ST6GALNAC3: variants seen among roughly 807,000 people sequenced by gnomAD.
ST6GALNAC3 encodes alpha-N-acetylgalactosaminide alpha-2,6-sialyltransferase 3.
ST6GALNAC3 carries 25 observed loss-of-function variants against 32.7 expected under a neutral mutation model. That is an observed-to-expected ratio of 0.76 (90% CI 0.56 to 1.07). The LOEUF (loss-of-function observed/expected upper bound fraction) is 1.07, where lower values mean the gene tolerates loss of function less well. ST6GALNAC3 is among the 50% of genes least tolerant of loss of function. The probability of loss-of-function intolerance (pLI) is 0.00; values close to 1 mark genes in which losing one functional copy is unlikely to be tolerated. For synonymous variants in ST6GALNAC3, 129 were observed against 133.1 expected (o/e 0.97, Z 0.21); for missense variants, 355 against 382.4 (o/e 0.93, Z 0.60).
At chr1:76,525,810 T>TACATATATATATATAC (rs1557529038) in intron 3 of ST6GALNAC3, among the ~76,000 whole-genome samples, 1 of 126,848 alleles carries the variant, frequency 7.9e-6, no homozygotes, top group Non-Finnish European at 1.7e-5. Context: ...TATATATATA[T>TACATATATATATATAC]ATATATATAT....
At chr1:76,526,342 C>T (rs1444089059) in intron 3 of ST6GALNAC3, among the ~76,000 whole-genome samples, 2 of 151,984 alleles carry the variant, frequency 1.3e-5, no homozygotes, top group African/African-American at 2.4e-5. Flanking sequence ...AACCAAATCC[C>T]TTGTGGTTAC....
chr1:76,275,870 G>A lies in ST6GALNAC3; in HGVS notation c.19-37935G>A, dbSNP rs531637810. ...TATATCTGAATGGGTCACATGTAGTGCAAGCTTCAAGACTGGTTTGATTCA... is the reference window on the plus strand; with the variant it reads ...TATATCTGAATGGGTCACATGTAGTACAAGCTTCAAGACTGGTTTGATTCA... On this transcript the variant is annotated intron_variant, in intron 1 of 4. Transcript: ENST00000328299. 2.0e-5 allele frequency among the ~76,000 whole-genome samples: 3 copies of A among 152,292 alleles called. No individual in the cohort carries two copies. The East Asian group carries it at 5.8e-4, about 29-fold the overall frequency.
At chr1:76,433,228 C>T (rs1450262031) in intron 3 of ST6GALNAC3, among the ~76,000 whole-genome samples, 1 of 152,060 alleles carries the variant, frequency 6.6e-6, no homozygotes, top group Non-Finnish European at 1.5e-5. Context: ...TGATACTTGT[C>T]ATTCTGGTTA....
At chr1:76,488,321 C>G (rs116550937) in intron 3 of ST6GALNAC3, among the ~76,000 whole-genome samples, 16 of 127,126 alleles carry the variant, frequency 1.3e-4, no homozygotes, top group African/African-American at 4.4e-4. Flanking sequence ...GATGTGCCGG[C>G]TACCCCTTCA....
chr1:76,267,250 C>T (rs568580347), intron 1 of ST6GALNAC3, among the ~76,000 whole-genome samples: 2 of 152,284 alleles, frequency 1.3e-5, no homozygotes, highest in East Asian at 3.9e-4. Flanking sequence ...AACTCTCTGT[C>T]TCCTCTGTCT....
At chr1:76,516,770 C>G (rs1662198994) in intron 3 of ST6GALNAC3, among the ~76,000 whole-genome samples, 1 of 151,990 alleles carries the variant, frequency 6.6e-6, no homozygotes, top group South Asian at 2.1e-4. Flanking sequence ...TGTATATTTT[C>G]TCTTGTAAAT....
chr1:76,158,631 A>G (rs1651621633), intron 1 of ST6GALNAC3, among the ~76,000 whole-genome samples: 1 of 152,226 alleles, frequency 6.6e-6, no homozygotes, highest in Non-Finnish European at 1.5e-5. Context: ...CCTCTTGGCT[A>G]CAGGTACTTT....
chr1:76,164,011 G>T (rs140679594), intron 1 of ST6GALNAC3, among the ~76,000 whole-genome samples: 59 of 152,258 alleles, frequency 3.9e-4, no homozygotes, highest in African/African-American at 1.1e-3. Flanking sequence ...TAAGATGTTG[G>T]ATTTGTTGAG....
chr1:76,407,739 T>C (rs1379682337), intron 2 of ST6GALNAC3, among the ~76,000 whole-genome samples: 1 of 151,810 alleles, frequency 6.6e-6, no homozygotes, highest in Non-Finnish European at 1.5e-5. Flanking sequence ...ATTCAAAATT[T>C]AGATGTGGCT....
intron 1 of ST6GALNAC3, among the ~76,000 whole-genome samples, chr1:76,146,969 A>G (rs1393329869): frequency 6.6e-6 from 1 of 151,614 alleles, no homozygotes; most frequent in East Asian, 1.9e-4. Flanking sequence ...ATGTCTAATG[A>G]CTCCGTGTAC....
intron 1 of ST6GALNAC3, among the ~76,000 whole-genome samples, chr1:76,202,164 G>T (rs949907314): frequency 6.6e-6 from 1 of 151,902 alleles, no homozygotes; most frequent in Non-Finnish European, 1.5e-5. Context: ...TTGATTTCAG[G>T]TTTAACTCAA....
chr1:76,487,090 G>T (rs1202876810), intron 3 of ST6GALNAC3, among the ~76,000 whole-genome samples: 6 of 152,198 alleles, frequency 3.9e-5, no homozygotes, highest in Non-Finnish European at 5.9e-5. Flanking sequence ...TCTGCCAAGA[G>T]ATCAGCTGTT....
At chr1:76,296,149 G>A (rs1214791896) in intron 1 of ST6GALNAC3, among the ~76,000 whole-genome samples, 1 of 152,020 alleles carries the variant, frequency 6.6e-6, no homozygotes, top group Non-Finnish European at 1.5e-5. Context: ...AAGTTTACTT[G>A]CCTTTGAGTC....
intron 1 of ST6GALNAC3, among the ~76,000 whole-genome samples, chr1:76,262,260 G>A (rs1204937810): frequency 6.6e-6 from 1 of 152,136 alleles, no homozygotes; most frequent in African/African-American, 2.4e-5. Context: ...GGCTTAAAAA[G>A]ATTTACCAAA....
Position 76,130,511 on chromosome 1 carries a change from G to T in ST6GALNAC3, c.18+55627G>T, listed in dbSNP as rs75835180. Reference sequence around the variant, plus strand: ...ACATGGCCCAGGTGACTAGGGAAGGGACCAGCACTGTGCTCCCTCTGGCAG... The same window carrying T: ...ACATGGCCCAGGTGACTAGGGAAGGTACCAGCACTGTGCTCCCTCTGGCAG... On this transcript the variant is annotated intron_variant, in intron 1 of 4. Coordinates refer to ENST00000328299, the MANE Select transcript of ST6GALNAC3 (RefSeq NM_152996.4). 7.9e-3 allele frequency among the ~76,000 whole-genome samples: 1,197 copies of T among 152,328 alleles called. 15 individuals are homozygous for T. Among genetic ancestry groups the T allele is most frequent in the Admixed American group, 0.016 (238 of 15,300 alleles).
chr1:76,522,119 T>C (rs1314778301), intron 3 of ST6GALNAC3, among the ~76,000 whole-genome samples: 1 of 151,962 alleles, frequency 6.6e-6, no homozygotes, highest in African/African-American at 2.4e-5. Context: ...TTCTAATTTC[T>C]TCTGGCTTAT....
intron 3 of ST6GALNAC3, among the ~76,000 whole-genome samples, chr1:76,414,945 T>C (rs10128020): frequency 0.67 from 101,709 of 151,768 alleles, 34,242 homozygotes; most frequent in South Asian, 0.78. Flanking sequence ...GCATAAGGTT[T>C]ATACATAGCA....
At chr1:76,377,590 C>T (rs77586415) in intron 2 of ST6GALNAC3, among the ~76,000 whole-genome samples, 39 of 152,266 alleles carry the variant, frequency 2.6e-4, no homozygotes, top group African/African-American at 8.7e-4. Context: ...CCAGGTCCCC[C>T]CTCCAACCCT....
chr1:76,572,015 G>A (rs981963808), intron 3 of ST6GALNAC3, among the ~76,000 whole-genome samples: 1 of 151,970 alleles, frequency 6.6e-6, no homozygotes, highest in African/African-American at 2.4e-5. Context: ...CTGATGTTAG[G>A]CATTTTTTCT....
Sources: allele counts gnomAD v4.1 joint callset (sites outside exome capture counted in the v4.1 genomes callset), GRCh38; gene constraint gnomAD v4.1.1; transcripts MANE v1.5; gene names NCBI Gene and HGNC (gene_info 2026-07-23, HGNC 2026-07-21).